The following CTXN3 variants were observed in gnomAD, a reference collection of about 807,000 sequenced individuals.
CTXN3 encodes cortexin 3, also known as cortexin-3.
A neutral mutation model predicts 5.0 loss-of-function variants in CTXN3; 4 were observed. That is an observed-to-expected ratio of 0.79 (90% CI 0.39 to 1.82). CTXN3 has a LOEUF of 1.82. CTXN3 is among the 40% of genes most tolerant of loss of function. The probability of loss-of-function intolerance (pLI) is 0.04; values close to 1 mark genes in which losing one functional copy is unlikely to be tolerated. For synonymous variants in CTXN3, 48 were observed against 38.6 expected (o/e 1.24, Z -0.91); for missense variants, 89 against 99.7 (o/e 0.89, Z 0.46).
intron 2 of CTXN3, among the ~76,000 whole-genome samples, chr5:127,656,993 CAT>C (rs1358711977): frequency 1.3e-5 from 2 of 152,164 alleles, no homozygotes; most frequent in African/African-American, 4.8e-5. Flanking sequence ...AAGTGGCTAA[CAT>C]GTTTCAAGTT....
Position 127,657,591 on chromosome 5 carries a change from T to A in CTXN3, c.70T>A (p.Ser24Thr). Reference protein sequence around the residue: ...LGNESADSSMSLEQKMTFVFV... With the variant: ...LGNESADSSMTLEQKMTFVFV... ...GAACGAATCAGCAGATTCTAGCATG[T>A]CCCTGGAGCAGAAAATGACATTTGT... The change falls in exon 3 of 3, where the codon TCC (serine) becomes ACC (threonine). Residue 24 changes from serine (S) to threonine (T), a missense_variant. Ser to Thr is a moderately conservative substitution (Grantham distance 58, BLOSUM62 1). Coordinates refer to ENST00000379445, the MANE Select transcript of CTXN3 (RefSeq NM_001048252.3). The A allele has an allele frequency of 6.2e-7, 1 of 1,614,192 alleles. No homozygotes were observed. Among genetic ancestry groups the A allele is most frequent in the Non-Finnish European group, 8.5e-7 (1 of 1,180,006 alleles).
chr5:127,657,583 C>A lies in CTXN3; in HGVS notation c.62C>A (p.Ser21Tyr). Residue 21 changes from serine (S) to tyrosine (Y), a missense_variant, in exon 3 of 3, where the codon TCT (serine) becomes TAT (tyrosine). Ser to Tyr is a moderately radical substitution (Grantham distance 144). Coordinates refer to ENST00000379445, the MANE Select transcript of CTXN3 (RefSeq NM_001048252.3). The stretch of plus-strand genomic sequence containing the variant: ...CCCCTTGGGAACGAATCAGCAGATT[C>A]TAGCATGTCCCTGGAGCAGAAAATG... Reference protein sequence around the residue: ...LVPLGNESADSSMSLEQKMTF... With the variant: ...LVPLGNESADYSMSLEQKMTF... 1 of 1,614,124 alleles carries A rather than the reference C, an allele frequency of 6.2e-7. No homozygotes were observed. Among genetic ancestry groups the A allele is most frequent in the Non-Finnish European group, 8.5e-7 (1 of 1,179,978 alleles).
In CTXN3 at chr5:127,658,517, A is replaced by G. The variant is rs1749968151; in HGVS notation, c.*750A>G. The G allele has an allele frequency of 6.0e-6, 1 of 167,138 alleles. No homozygotes were observed. The highest frequency in any genetic ancestry group is 1.5e-5 in the Non-Finnish European group (1 of 68,132). 10.4% of individuals were successfully genotyped at this position (167,138 alleles called of 1,614,324 possible). On this transcript the variant is annotated 3_prime_UTR_variant, in exon 3 of 3. Transcript: ENST00000379445. The stretch of plus-strand genomic sequence containing the variant: ...AAAAAATAGGTTGCAAGTGCAGCTT[A>G]AAGTTTTTTTTCAATGAAAAGTTAA...
At position 127,658,364 on chromosome 5, in the gene CTXN3, A is replaced by T; in HGVS notation, c.*597A>T. ...AATAGCGTTTTGTTTTTCAAGTAAA[A>T]CTTAATTCAAAGGCTACAAAGTTTT... On this transcript the variant is annotated 3_prime_UTR_variant, in exon 3 of 3. Transcript: ENST00000379445. 1 of 167,610 alleles carries T rather than the reference A, an allele frequency of 6.0e-6. No individual in the cohort carries two copies. The allele number at this position is 167,610 out of a possible 1,614,324, so 10.4% of individuals were successfully genotyped here.
intron 1 of CTXN3, among the ~76,000 whole-genome samples, chr5:127,649,726 C>A (rs1007138964): frequency 6.6e-6 from 1 of 151,476 alleles, no homozygotes; most frequent in Admixed American, 6.6e-5. Context: ...TTTCAGTCAC[C>A]TAAAACGTCC....
chr5:127,657,796 G>T lies in CTXN3; in HGVS notation c.*29G>T, dbSNP rs1749951173. ...GGATGGTGTGGGATCTCCTCCTGAG[G>T]AGATGAAGTGCTTTGTGTCTTGGTG... On this transcript the variant is annotated 3_prime_UTR_variant, in exon 3 of 3. Transcript: ENST00000379445. 6.2e-7 allele frequency: 1 copy of T among 1,612,256 alleles called. No individual in the cohort carries two copies. Among genetic ancestry groups the T allele is most frequent in the African/African-American group, 1.3e-5 (1 of 74,844 alleles).
intron 2 of CTXN3, among the ~76,000 whole-genome samples, chr5:127,656,940 C>A (rs146512253): frequency 3.3e-4 from 50 of 152,312 alleles, no homozygotes; most frequent in African/African-American, 1.0e-3. Flanking sequence ...AGTTTCCTTG[C>A]ACTGGGGCTA....
rs181044035 is a variant in CTXN3, at chr5:127,658,136, A to G, written c.*369A>G. On this transcript the variant is annotated 3_prime_UTR_variant, in exon 3 of 3. Coordinates refer to ENST00000379445, the MANE Select transcript of CTXN3 (RefSeq NM_001048252.3). ...AAGGATCTCATATGAATCTGGTGAC[A>G]AGGCCAGGAAGAGATTTCCTTGCTC... The G allele has an allele frequency of 2.1e-5, 5 of 234,418 alleles. No individual in the cohort carries two copies. The highest frequency in any genetic ancestry group is 4.5e-5 in the Non-Finnish European group (5 of 109,976). 14.5% of individuals were successfully genotyped at this position (234,418 alleles called of 1,614,324 possible). A position where few individuals can be genotyped will look rare whatever the true frequency, so the allele number is the denominator to read the frequency against.
intron 2 of CTXN3, 82 bp from the exon 3 acceptor site, chr5:127,657,341 T>C: frequency 1.6e-6 from 1 of 619,636 alleles, no homozygotes; most frequent in Non-Finnish European, 2.8e-6. Flanking sequence ...TTTCTTTTTC[T>C]CTCTGAAAAA....
intron 1 of CTXN3, chr5:127,652,978 C>T (rs966224848): frequency 6.6e-6 from 1 of 152,144 alleles, no homozygotes; most frequent in Admixed American, 6.5e-5. Context: ...GGCATCAGGC[C>T]CACAAGGGGG....
At position 127,658,363 on chromosome 5, in the gene CTXN3, A is replaced by T. The variant is rs960869496; in HGVS notation, c.*596A>T. ...GAATAGCGTTTTGTTTTTCAAGTAA[A>T]ACTTAATTCAAAGGCTACAAAGTTT... On this transcript the variant is annotated 3_prime_UTR_variant, in exon 3 of 3. Transcript: ENST00000379445. 6.0e-6 allele frequency: 1 copy of T among 167,518 alleles called. No homozygotes were observed. Among genetic ancestry groups the T allele is most frequent in the African/African-American group, 2.4e-5 (1 of 41,480 alleles). 10.4% of individuals were successfully genotyped at this position (167,518 alleles called of 1,614,324 possible). A position where few individuals can be genotyped will look rare whatever the true frequency, so the allele number is the denominator to read the frequency against.
chr5:127,657,242 T>C lies in CTXN3; in HGVS notation c.-99-181T>C, dbSNP rs368526727. On this transcript the variant is annotated intron_variant, in intron 2 of 2. Coordinates refer to ENST00000379445, the MANE Select transcript of CTXN3 (RefSeq NM_001048252.3). ...CCCCAGGTGGCTCTTCTGAGAACAA[T>C]CTGGTAATTTCATGCAAGAGTAAAA... Among the ~76,000 whole-genome samples, 142 of 152,272 alleles carry C rather than the reference T, an allele frequency of 9.3e-4. 1 individual carries two copies. Among genetic ancestry groups the C allele is most frequent in the African/African-American group, 3.3e-3 (136 of 41,566 alleles).
At position 127,657,006 on chromosome 5, in the gene CTXN3, T is replaced by A. The variant is rs185408373; in HGVS notation, c.-99-417T>A. 1.2e-4 allele frequency among the ~76,000 whole-genome samples: 18 copies of A among 152,316 alleles called. No individual in the cohort carries two copies. In the East Asian group the frequency reaches 3.5e-3, roughly 29 times the overall value. ...TAAAGTGGCTAACATGTTTCAAGTT[T>A]AGCCACTGTGCTGACACATAGCTGA... is the stretch of plus-strand genomic sequence containing the variant. On this transcript the variant is annotated intron_variant, in intron 2 of 2. Coordinates refer to ENST00000379445, the MANE Select transcript of CTXN3 (RefSeq NM_001048252.3).
chr5:127,651,046 A>C (rs1221726436), intron 1 of CTXN3, among the ~76,000 whole-genome samples: 1 of 152,168 alleles, frequency 6.6e-6, no homozygotes, highest in Non-Finnish European at 1.5e-5. Flanking sequence ...ATTTTGAGTA[A>C]GTTTGTCTCT....
Position 127,649,189 on chromosome 5 carries a change from T to C in CTXN3, c.-406T>C, listed in dbSNP as rs1362014695. The C allele has an allele frequency of 6.6e-6, 1 of 152,192 alleles. No individual in the cohort carries two copies. The highest frequency in any genetic ancestry group is 2.4e-5 in the African/African-American group (1 of 41,444). 9.4% of individuals were successfully genotyped at this position (152,192 alleles called of 1,614,324 possible). ...CTCACACAGAAAGACGATGCTCCTT[T>C]AACTCGGGGTTTTAATGGGAAGTTT... On this transcript the variant is annotated 5_prime_UTR_variant, in exon 1 of 3. It removes the in-frame stop codon of an upstream open reading frame in the 5' UTR. Coordinates refer to ENST00000379445, the MANE Select transcript of CTXN3 (RefSeq NM_001048252.3).
At position 127,658,149 on chromosome 5, in the gene CTXN3, G is replaced by A. The variant is rs1388174025; in HGVS notation, c.*382G>A. 9.2e-6 allele frequency: 2 copies of A among 218,246 alleles called. No homozygotes were observed. The highest frequency in any genetic ancestry group is 2.0e-5 in the Non-Finnish European group (2 of 99,660). The allele number at this position is 218,246 out of a possible 1,614,324, so 13.5% of individuals were successfully genotyped here. A position where few individuals can be genotyped will look rare whatever the true frequency, so the allele number is the denominator to read the frequency against. ...GAATCTGGTGACAAGGCCAGGAAGA[G>A]ATTTCCTTGCTCTAATTATGTCTAT... On this transcript the variant is annotated 3_prime_UTR_variant, in exon 3 of 3. Transcript: ENST00000379445.
intron 2 of CTXN3, among the ~76,000 whole-genome samples, chr5:127,656,311 TACTTGTATATTTATACGGTAATATAC>T (rs1236337898): frequency 1.3e-5 from 2 of 152,214 alleles, no homozygotes; most frequent in African/African-American, 4.8e-5. Flanking sequence ...GTCATGTATA[TACTTGTATATTTATACGGTAATATAC>T]ACTTGTATAT....
chr5:127,655,735 T>A (rs554368770), intron 2 of CTXN3, among the ~76,000 whole-genome samples: 39 of 152,306 alleles, frequency 2.6e-4, no homozygotes, highest in African/African-American at 9.1e-4. Flanking sequence ...ATCCTCTAAA[T>A]TCCTAAAGAG....
At chr5:127,657,264 A>G (rs570274256) in intron 2 of CTXN3, among the ~76,000 whole-genome samples, 159 bp from the exon 3 acceptor site, 3 of 152,352 alleles carry the variant, frequency 2.0e-5, no homozygotes, top group African/African-American at 7.2e-5. Flanking sequence ...ATGCAAGAGT[A>G]AAATATCTTT....
Sources: allele counts gnomAD v4.1 joint callset (sites outside exome capture counted in the v4.1 genomes callset), GRCh38; gene constraint gnomAD v4.1.1; transcripts MANE v1.5; gene names NCBI Gene and HGNC (gene_info 2026-07-23, HGNC 2026-07-21).